FERMT2: variants seen among roughly 807,000 people sequenced by gnomAD.
The protein encoded by FERMT2 is FERM domain containing kindlin 2.
In FERMT2, 15 loss-of-function variants were observed where a neutral mutation model predicts 82.7. The observed-to-expected ratio is 0.18, with a 90% CI of 0.12 to 0.28. FERMT2 has a LOEUF of 0.28. FERMT2 is among the 10% of genes least tolerant of loss of function. The probability of loss-of-function intolerance (pLI) is 1.00; values close to 1 mark genes in which losing one functional copy is unlikely to be tolerated. For missense variants in FERMT2, 645 were observed against 809.4 expected (o/e 0.80, Z 2.46); for synonymous variants, 274 against 271.5 (o/e 1.01, Z -0.09).
chr14:52,881,336 T>C lies in FERMT2; in HGVS notation c.660A>G (p.Ile220Met). 1 of 1,614,090 alleles carries C rather than the reference T, an allele frequency of 6.2e-7. No individual in the cohort carries two copies. The highest frequency in any genetic ancestry group is 8.5e-7 in the Non-Finnish European group (1 of 1,180,002). The change falls in exon 5 of 15, where the codon ATA (isoleucine) becomes ATG (methionine). Residue 220 changes from isoleucine to methionine, a missense_variant. Transcript: ENST00000341590. ...DSALSEGNPG[I>M]LAVSQPITSP... ...ACGTGATTGGTTGACTGACAGCAAGTATACCAGGATTGCCTTCTGACAAAG... is the reference window on the plus strand; with the variant it reads ...ACGTGATTGGTTGACTGACAGCAAGCATACCAGGATTGCCTTCTGACAAAG...
intron 3 of FERMT2, among the ~76,000 whole-genome samples, chr14:52,893,832 GTTT>G (rs58033043): frequency 2.2e-5 from 3 of 139,088 alleles, no homozygotes; most frequent in Non-Finnish European, 3.2e-5. Context: ...TCCCAGTTTT[GTTT>G]TTTTTTTTTT....
At chr14:52,885,299 C>T (rs887039803) in intron 4 of FERMT2, among the ~76,000 whole-genome samples, 10 of 96,800 alleles carry the variant, frequency 1.0e-4, no homozygotes, top group Non-Finnish European at 1.5e-4. Flanking sequence ...GGTAACAGGG[C>T]GAGACTTAGT....
chr14:52,909,076 A>C (rs964546145), intron 3 of FERMT2, among the ~76,000 whole-genome samples: 6 of 152,010 alleles, frequency 3.9e-5, no homozygotes, highest in South Asian at 4.1e-4. Flanking sequence ...GGAGGATGTG[A>C]GGGGGGCTTC....
intron 3 of FERMT2, 84 bp downstream of exon 3, chr14:52,919,039 A>G: frequency 1.1e-6 from 1 of 908,516 alleles, no homozygotes; most frequent in Admixed American, 2.1e-5. Context: ...CCCATGCCCC[A>G]TCCCTTGGGA....
At chr14:52,859,268 C>T (rs1884752355) in intron 14 of FERMT2, 1 of 238,482 alleles carries the variant, frequency 4.2e-6, no homozygotes, top group African/African-American at 2.3e-5. Context: ...CTCTAAGTAT[C>T]ATGTCTGGCA....
chr14:52,861,918 A>AT (rs1409090839), intron 12 of FERMT2: 3 of 152,226 alleles, frequency 2.0e-5, no homozygotes, highest in African/African-American at 7.2e-5. Context: ...TACAGCCTCC[A>AT]GAACGCAACT....
rs573723481 is a variant in FERMT2 at position 52,863,550 on chromosome 14, G to A, written c.1602+851C>T. 10 of 152,218 alleles carry A rather than the reference G, an allele frequency of 6.6e-5. No homozygotes were observed. In the East Asian group the frequency reaches 1.9e-3, roughly 29 times the overall value. 9.4% of individuals were successfully genotyped at this position (152,218 alleles called of 1,614,324 possible). On this transcript the variant is annotated intron_variant, in intron 12 of 14. Coordinates refer to ENST00000341590, the MANE Select transcript of FERMT2 (RefSeq NM_006832.3). ...AAAGGACTTTTTATGTTGTACCAAA[G>A]AACCATTTTCCTAAGTAGCAGCCCT... is the stretch of plus-strand genomic sequence containing the variant.
intron 10 of FERMT2, chr14:52,872,353 C>G (rs1409353471): frequency 6.3e-6 from 1 of 157,742 alleles, no homozygotes. Context: ...GCCCGGAGTT[C>G]GAGACCAGTC....
chr14:52,947,305 C>T (rs1407167707), intron 2 of FERMT2, among the ~76,000 whole-genome samples: 1 of 152,076 alleles, frequency 6.6e-6, no homozygotes, highest in Non-Finnish European at 1.5e-5. Context: ...CGGTGAAACC[C>T]CGTCTCTACT....
At chr14:52,938,217 G>A (rs1407650830) in intron 2 of FERMT2, among the ~76,000 whole-genome samples, 1 of 152,086 alleles carries the variant, frequency 6.6e-6, no homozygotes, top group Non-Finnish European at 1.5e-5. Flanking sequence ...AATGGTTTCA[G>A]CAAGAGATTA....
chr14:52,858,446 T>C lies in FERMT2; in HGVS notation c.1974A>G (p.Thr658=), dbSNP rs1566712040. ...AACTCTCGTTTTGGTCTTTTGCACG[T>C]GTTGAGAGAAATATGTAGCCACCAA... ...EFIGGYIFLS[T]RAKDQNESLD... is the part of the protein sequence containing the mutation. The change falls in exon 15 of 15, where the codon ACA becomes ACG. Residue 658 remains threonine (T), a synonymous_variant. Coordinates refer to ENST00000341590, the MANE Select transcript of FERMT2 (RefSeq NM_006832.3). 6.2e-7 allele frequency: 1 copy of C among 1,614,140 alleles called. No homozygotes were observed. Among genetic ancestry groups the C allele is most frequent in the East Asian group, 2.2e-5 (1 of 44,882 alleles).
chr14:52,897,274 T>G (rs948358839), intron 3 of FERMT2, among the ~76,000 whole-genome samples: 1 of 152,202 alleles, frequency 6.6e-6, no homozygotes, highest in African/African-American at 2.4e-5. Context: ...TAATATTTAA[T>G]AATTCTACAA....
rs990061408 is a variant in FERMT2 at position 52,869,835 on chromosome 14, C to A, written c.1273+2964G>T. 2.0e-5 allele frequency among the ~76,000 whole-genome samples: 3 copies of A among 152,146 alleles called. No homozygotes were observed. The East Asian group carries it at 5.8e-4, about 29-fold the overall frequency. On this transcript the variant is annotated intron_variant, in intron 10 of 14. Transcript: ENST00000341590. ...GACAGCTCCATGCTTGTTACTCCCC[C>A]TGAAGACCTTCCAGTGAGACAGGAT... is the stretch of plus-strand genomic sequence containing the variant.
At chr14:52,873,068 A>T (rs1372963374) in intron 9 of FERMT2, 145 bp from the exon 10 acceptor site, 4 of 680,890 alleles carry the variant, frequency 5.9e-6, no homozygotes, top group Non-Finnish European at 7.4e-6. Flanking sequence ...GCGTCTTATT[A>T]GTCAGTGCTA....
chr14:52,883,761 A>G (rs7161281), intron 4 of FERMT2, among the ~76,000 whole-genome samples: 94,174 of 151,994 alleles, frequency 0.62, 30,917 homozygotes, highest in South Asian at 0.76. Context: ...GAGTTCTCAT[A>G]ATGGTTTTGC....
chr14:52,912,821 C>A (rs968116422), intron 3 of FERMT2, among the ~76,000 whole-genome samples: 38 of 152,180 alleles, frequency 2.5e-4, no homozygotes, highest in African/African-American at 8.9e-4. Flanking sequence ...TAGATCATTA[C>A]TTTCCATTCG....
intron 3 of FERMT2, among the ~76,000 whole-genome samples, chr14:52,905,653 G>A (rs1224428308): frequency 1.3e-5 from 2 of 152,134 alleles, no homozygotes; most frequent in Non-Finnish European, 2.9e-5. Flanking sequence ...GAGGAAGAGG[G>A]CAATGCTAAG....
At chr14:52,906,234 C>A (rs1043066282) in intron 3 of FERMT2, among the ~76,000 whole-genome samples, 3 of 152,062 alleles carry the variant, frequency 2.0e-5, no homozygotes, top group Non-Finnish European at 4.4e-5. Flanking sequence ...TGGAGGTCTG[C>A]AGAGGTGTTT....
At chr14:52,872,739 TTGAC>T (rs2140092126) in intron 10 of FERMT2, 56 bp downstream of exon 10, 1 of 1,566,492 alleles carries the variant, frequency 6.4e-7, no homozygotes, top group East Asian at 2.3e-5. Context: ...AAGTGGCTCA[TTGAC>T]TATTAGGCCA....
Sources: gnomAD v4.1 joint callset for allele counts (sites outside exome capture counted in the v4.1 genomes callset) on GRCh38, gnomAD v4.1.1 for gene constraint, MANE v1.5 for transcripts, NCBI Gene and HGNC (gene_info 2026-07-23, HGNC 2026-07-21) for gene names.